The following MACROD2 variants were observed in gnomAD, a reference collection of about 807,000 sequenced individuals.
MACROD2 encodes mono-ADP ribosylhydrolase 2, also known as ADP-ribose glycohydrolase MACROD2.
In MACROD2, 36 loss-of-function variants were observed where a neutral mutation model predicts 70.4. The ratio of observed to expected loss-of-function variants is 0.51; its 90% CI spans 0.39 to 0.68. MACROD2 has a LOEUF of 0.68. MACROD2 is among the 30% of genes least tolerant of loss of function. The pLI, the probability that MACROD2 is intolerant of heterozygous loss-of-function variation, is 0.00. For missense variants in MACROD2, 496 were observed against 538.4 expected, an observed-to-expected ratio of 0.92 and a Z score of 0.78; for synonymous variants, 172 against 178.8, an observed-to-expected ratio of 0.96 and a Z score of 0.30.
rs80006848 is a variant in MACROD2 at position 14,784,518 on chromosome 20, A to G, written c.418+99559A>G. Among the ~76,000 whole-genome samples the G allele has an allele frequency of 6.9e-3, 1,049 of 152,036 alleles. 52 individuals are homozygous for G. The East Asian group carries it at 0.11, about 16-fold the overall frequency. The stretch of plus-strand genomic sequence containing the variant: ...CATAGACATCTCTGTTTCTCACTCA[A>G]TTGTGAATTTCTGAGGGGCAGGTGC... On this transcript the variant is annotated intron_variant, in intron 5 of 17. Transcript: ENST00000684519.
chr20:14,730,979 G>GCACACACACACACACA (rs11474396), intron 5 of MACROD2, among the ~76,000 whole-genome samples: 4 of 138,934 alleles, frequency 2.9e-5, no homozygotes, highest in African/African-American at 1.0e-4. Context: ...AACAGGTTTA[G>GCACACACACACACACA]CACACACACA....
At chr20:15,330,970 C>T (rs1306944134) in intron 6 of MACROD2, among the ~76,000 whole-genome samples, 1 of 151,566 alleles carries the variant, frequency 6.6e-6, no homozygotes, top group Non-Finnish European at 1.5e-5. Context: ...GCACTGCTGT[C>T]GTTATTTTTT....
intron 8 of MACROD2, among the ~76,000 whole-genome samples, chr20:15,645,892 T>C (rs2049533676): frequency 1.3e-5 from 2 of 152,252 alleles, no homozygotes. Context: ...GCAGGCAAGC[T>C]AATTTGAAAT....
At chr20:15,227,667 A>G (rs567946302) in intron 5 of MACROD2, among the ~76,000 whole-genome samples, 5 of 152,264 alleles carry the variant, frequency 3.3e-5, no homozygotes, top group African/African-American at 7.2e-5. Flanking sequence ...ATCTAGTCCT[A>G]TAAGGTGTTC....
intron 8 of MACROD2, among the ~76,000 whole-genome samples, chr20:15,579,747 TAACAATTAAAAACTAG>T (rs2048498610): frequency 6.6e-6 from 1 of 152,234 alleles, no homozygotes; most frequent in African/African-American, 2.4e-5. Context: ...GTAGAGATTT[TAACAATTAAAAACTAG>T]TTTAAGCAGA....
intron 9 of MACROD2, among the ~76,000 whole-genome samples, chr20:15,879,344 T>C: frequency 6.6e-6 from 1 of 152,076 alleles, no homozygotes; most frequent in East Asian, 1.9e-4. Context: ...TAATATTTTT[T>C]TGTTCCTAGT....
chr20:14,035,425 C>T (rs1397496661), intron 2 of MACROD2, among the ~76,000 whole-genome samples: 1 of 152,180 alleles, frequency 6.6e-6, no homozygotes, highest in East Asian at 1.9e-4. Flanking sequence ...ACTTTTATAT[C>T]AGTATGTGGT....
At chr20:14,658,680 C>G (rs1986088082) in intron 4 of MACROD2, among the ~76,000 whole-genome samples, 1 of 152,186 alleles carries the variant, frequency 6.6e-6, no homozygotes, top group Non-Finnish European at 1.5e-5. Flanking sequence ...GTGGCACAAT[C>G]TCGGCCCACT....
chr20:15,428,255 T>C (rs528815363), intron 6 of MACROD2, among the ~76,000 whole-genome samples: 1 of 152,354 alleles, frequency 6.6e-6, no homozygotes, highest in East Asian at 1.9e-4. Flanking sequence ...ACCCACGTTA[T>C]GAATTGGAAG....
chr20:14,157,063 T>C (rs968600877), intron 3 of MACROD2, among the ~76,000 whole-genome samples: 2 of 152,180 alleles, frequency 1.3e-5, no homozygotes, highest in African/African-American at 4.8e-5. Context: ...GAAACTGGTA[T>C]TTAGATGAAA....
At chr20:14,206,206 C>T (rs573893693) in intron 3 of MACROD2, among the ~76,000 whole-genome samples, 2 of 152,166 alleles carry the variant, frequency 1.3e-5, no homozygotes, top group Admixed American at 6.5e-5. Context: ...AAGAATTATC[C>T]AGTCTAAAAT....
chr20:15,778,673 C>A (rs1437416520), intron 8 of MACROD2, among the ~76,000 whole-genome samples: 10 of 151,838 alleles, frequency 6.6e-5, no homozygotes, highest in Admixed American at 1.3e-4. Context: ...TTATAAAATA[C>A]CTCTGTACCT....
rs78119487 is a variant in MACROD2, at chr20:15,264,132, A to G, written c.540+34071A>G. On this transcript the variant is annotated intron_variant, in intron 6 of 17. Coordinates refer to ENST00000684519, the MANE Select transcript of MACROD2 (RefSeq NM_001351661.2). Reference sequence around the variant, plus strand: ...TCAAGTATAGGCCAAAATCTGGCCAATAAGGTTTCTATCAGTGTCTTTCCA... The same window carrying G: ...TCAAGTATAGGCCAAAATCTGGCCAGTAAGGTTTCTATCAGTGTCTTTCCA... 7.6e-3 allele frequency among the ~76,000 whole-genome samples: 1,156 copies of G among 152,308 alleles called. 15 individuals are homozygous for G. The highest frequency in any genetic ancestry group is 0.026 in the African/African-American group (1,087 of 41,572).
intron 3 of MACROD2, among the ~76,000 whole-genome samples, chr20:14,168,480 A>T (rs1601304680): frequency 6.6e-6 from 1 of 152,198 alleles, no homozygotes; most frequent in Non-Finnish European, 1.5e-5. Flanking sequence ...CCCCTTACAT[A>T]CCCCTACACA....
At chr20:15,157,428 A>C (rs540552991) in intron 5 of MACROD2, among the ~76,000 whole-genome samples, 1 of 142,376 alleles carries the variant, frequency 7.0e-6, no homozygotes, top group South Asian at 2.4e-4. Flanking sequence ...GAGCTTTGAC[A>C]TATGAATTTA....
intron 8 of MACROD2, among the ~76,000 whole-genome samples, chr20:15,671,868 T>C (rs1210612108): frequency 1.3e-5 from 2 of 152,234 alleles, no homozygotes; most frequent in African/African-American, 2.4e-5. Context: ...GCTTGTAGTT[T>C]TACATTGAAT....
At chr20:14,739,289 CTG>C (rs1278136455) in intron 5 of MACROD2, among the ~76,000 whole-genome samples, 4 of 151,892 alleles carry the variant, frequency 2.6e-5, no homozygotes, top group African/African-American at 9.7e-5. Context: ...CTAGAAATAA[CTG>C]TATATTAAGT....
chr20:14,758,091 C>T (rs1178277832), intron 5 of MACROD2: 1 of 400,014 alleles, frequency 2.5e-6, no homozygotes, highest in Admixed American at 3.9e-5. Flanking sequence ...GTATAAACAT[C>T]CAGCCAAAAA....
chr20:15,824,894 CT>C (rs1233290383), intron 8 of MACROD2, among the ~76,000 whole-genome samples: 2 of 150,826 alleles, frequency 1.3e-5, no homozygotes, highest in African/African-American at 5.0e-5. Context: ...GGAATATGTT[CT>C]TAAGATAAAT....
Sources: allele counts gnomAD v4.1 joint callset (sites outside exome capture counted in the v4.1 genomes callset), GRCh38; gene constraint gnomAD v4.1.1; transcripts MANE v1.5; gene names NCBI Gene and HGNC (gene_info 2026-07-23, HGNC 2026-07-21).